SQOR: variants seen among roughly 807,000 people sequenced by gnomAD.
SQOR encodes the protein sulfide quinone oxidoreductase, also known as sulfide:quinone oxidoreductase, mitochondrial.
A neutral mutation model predicts 48.6 loss-of-function variants in SQOR; 39 were observed. That is an observed-to-expected ratio of 0.80 (90% CI 0.62 to 1.05). SQOR has a LOEUF of 1.05. Among genes scored for constraint, SQOR ranks in the 50% least tolerant of loss-of-function variants. The pLI is 0.00. For synonymous variants in SQOR, 220 were observed against 206.2 expected, an observed-to-expected ratio of 1.07 and a Z score of -0.57; for missense variants, 561 against 559.9, an observed-to-expected ratio of 1.00 and a Z score of -0.02.
intron 1 of SQOR, among the ~76,000 whole-genome samples, chr15:45,636,718 A>G (rs1216355025): frequency 6.6e-6 from 1 of 152,116 alleles, no homozygotes; most frequent in African/African-American, 2.4e-5. Context: ...TGTGATTTCT[A>G]TTGGTGACAA....
intron 2 of SQOR, among the ~76,000 whole-genome samples, chr15:45,661,290 T>TAAAAAA (rs34286267): frequency 1.5e-5 from 1 of 67,530 alleles, no homozygotes; most frequent in African/African-American, 5.7e-5. Context: ...GACTCTGTCT[T>TAAAAAA]AAAAAAAAAA....
intron 1 of SQOR, among the ~76,000 whole-genome samples, chr15:45,647,728 C>T (rs993211615): frequency 6.6e-6 from 1 of 151,994 alleles, no homozygotes. Flanking sequence ...CCAACCTGGC[C>T]AACATGGCAA....
intron 1 of SQOR, among the ~76,000 whole-genome samples, chr15:45,655,203 A>G (rs1003357143): frequency 6.6e-6 from 1 of 152,238 alleles, no homozygotes; most frequent in African/African-American, 2.4e-5. Flanking sequence ...AACCTCAGAC[A>G]GGGTGGCTGG....
chr15:45,675,399 A>ATT (rs201693476), intron 5 of SQOR, among the ~76,000 whole-genome samples: 47 of 144,484 alleles, frequency 3.3e-4, no homozygotes, highest in South Asian at 1.5e-3. Flanking sequence ...TAGTTTGTTT[A>ATT]TTTTTTTTTT....
rs374670346 is a variant in SQOR, at chr15:45,688,560, G to A, written c.1116+156G>A. 9.7e-4 allele frequency among the ~76,000 whole-genome samples: 144 copies of A among 147,902 alleles called. 4 individuals carry two copies. In the South Asian group the frequency reaches 0.029, roughly 30 times the overall value. ...GCAGTTTGCTCTTGTTGCCCAGGCT[G>A]GAGTGCAATGGCACGATCTCAGCTC... On this transcript the variant is annotated intron_variant, in intron 8 of 9. Coordinates refer to ENST00000260324, the MANE Select transcript of SQOR (RefSeq NM_021199.4).
In SQOR at chr15:45,656,863, G is replaced by A. The variant is rs142607811; in HGVS notation, c.-17-2044G>A. On this transcript the variant is annotated intron_variant, in intron 1 of 9. Coordinates refer to ENST00000260324, the MANE Select transcript of SQOR (RefSeq NM_021199.4). ...TCTGTCACCCAGGTTGGAGTGCAGTGGCATGATCTCAGCTTACTGCAACCT... is the reference window on the plus strand; with the variant it reads ...TCTGTCACCCAGGTTGGAGTGCAGTAGCATGATCTCAGCTTACTGCAACCT... 4.1e-3 allele frequency among the ~76,000 whole-genome samples: 485 copies of A among 119,724 alleles called. 3 individuals are homozygous for A. Among genetic ancestry groups the A allele is most frequent in the Admixed American group, 0.011 (109 of 10,226 alleles). The allele number at this position is 119,724 out of a possible 152,430, so 78.5% of individuals were successfully genotyped here.
intron 1 of SQOR, among the ~76,000 whole-genome samples, chr15:45,637,767 C>T (rs1895030263): frequency 6.6e-6 from 1 of 152,162 alleles, no homozygotes; most frequent in African/African-American, 2.4e-5. Context: ...CTGTGTCTAG[C>T]TTTGTTAATC....
chr15:45,645,551 A>C (rs544510137), intron 1 of SQOR, among the ~76,000 whole-genome samples: 1 of 152,358 alleles, frequency 6.6e-6, no homozygotes, highest in East Asian at 1.9e-4. Context: ...CAAAAAGGCG[A>C]ACACTCCCGT....
At chr15:45,644,658 G>A (rs675876) in intron 1 of SQOR, among the ~76,000 whole-genome samples, 39,804 of 151,876 alleles carry the variant, frequency 0.26, 6,543 homozygotes, top group East Asian at 0.64. Flanking sequence ...AAGCACCTGC[G>A]TAGGTGAAGG....
In SQOR at chr15:45,638,344, CTACT is replaced by C. The variant is rs1235481724; in HGVS notation, c.-18+3238_-18+3241del. On this transcript the variant is annotated intron_variant, in intron 1 of 9. Transcript: ENST00000260324. ...TGGTGGTGAGCACCTGTAGCCCCAG[CTACT>C]TGGGAGGCTGAGGTGGGAGAACTGC... is the stretch of plus-strand genomic sequence containing the variant. Among the ~76,000 whole-genome samples, 55 of 152,282 alleles carry C rather than the reference CTACT, an allele frequency of 3.6e-4. No individual in the cohort carries two copies. The East Asian group carries it at 8.1e-3, about 22-fold the overall frequency.
intron 1 of SQOR, among the ~76,000 whole-genome samples, chr15:45,640,870 A>C (rs1895094189): frequency 6.6e-6 from 1 of 152,202 alleles, no homozygotes; most frequent in African/African-American, 2.4e-5. Context: ...AGATGGGCAC[A>C]CACAGGCATA....
intron 6 of SQOR, among the ~76,000 whole-genome samples, chr15:45,679,574 G>GC (rs1340320689): frequency 6.6e-6 from 1 of 152,138 alleles, no homozygotes; most frequent in Non-Finnish European, 1.5e-5. Context: ...GGTGGCAGGA[G>GC]CCTGTAATCC....
intron 6 of SQOR, among the ~76,000 whole-genome samples, chr15:45,680,349 C>T (rs968906798): frequency 1.3e-5 from 2 of 152,150 alleles, no homozygotes; most frequent in Non-Finnish European, 2.9e-5. Context: ...CCACCTTGGC[C>T]TCCCAAAGTG....
upstream of SQOR, among the ~76,000 whole-genome samples, chr15:45,633,912 C>T (rs1043756250): frequency 2.6e-5 from 4 of 151,346 alleles, no homozygotes; most frequent in Non-Finnish European, 5.9e-5. Flanking sequence ...TGGTGGCTCA[C>T]GCCTGTAATC....
chr15:45,649,631 C>T (rs1306826744), intron 1 of SQOR, among the ~76,000 whole-genome samples: 2 of 151,832 alleles, frequency 1.3e-5, no homozygotes, highest in Non-Finnish European at 1.5e-5. Context: ...AGGCACCTGC[C>T]TCCATGCCCA....
rs188285782 is a variant in SQOR at position 45,653,898 on chromosome 15, C to T, written c.-17-5009C>T. Among the ~76,000 whole-genome samples the T allele has an allele frequency of 1.0e-3, 153 of 152,054 alleles. 2 individuals are homozygous for T. The highest frequency in any genetic ancestry group is 3.3e-3 in the African/African-American group (137 of 41,472). On this transcript the variant is annotated intron_variant, in intron 1 of 9. Coordinates refer to ENST00000260324, the MANE Select transcript of SQOR (RefSeq NM_021199.4). ...ATGCCTGTAATCCCAGCACTTTGGACGGCAAGGCGGGCAGATTACATGAGG... is the reference window on the plus strand; with the variant it reads ...ATGCCTGTAATCCCAGCACTTTGGATGGCAAGGCGGGCAGATTACATGAGG...
chr15:45,655,439 C>T (rs1889583647), intron 1 of SQOR, among the ~76,000 whole-genome samples: 1 of 152,188 alleles, frequency 6.6e-6, no homozygotes, highest in South Asian at 2.1e-4. Flanking sequence ...CATAAAATAT[C>T]TTCTTCCTTC....
intron 3 of SQOR, among the ~76,000 whole-genome samples, chr15:45,663,337 T>C (rs1262062521): frequency 6.6e-6 from 1 of 152,130 alleles, no homozygotes; most frequent in Non-Finnish European, 1.5e-5. Flanking sequence ...ATTGTTAAGC[T>C]TTTTTTGGGT....
At chr15:45,675,759 T>C (rs1397891088) in intron 5 of SQOR, among the ~76,000 whole-genome samples, 2 of 152,230 alleles carry the variant, frequency 1.3e-5, no homozygotes, top group Non-Finnish European at 1.5e-5. Flanking sequence ...TGGCCAACTC[T>C]AGAACTTTGT....
Sources: allele counts gnomAD v4.1 joint callset (sites outside exome capture counted in the v4.1 genomes callset), GRCh38; gene constraint gnomAD v4.1.1; transcripts MANE v1.5; gene names NCBI Gene and HGNC (gene_info 2026-07-23, HGNC 2026-07-21).